OOSP1: variants seen among roughly 807,000 people sequenced by gnomAD.
The protein encoded by OOSP1 is putative oocyte-secreted protein 1 homolog.
Under a neutral mutation model 5.7 loss-of-function variants are expected in OOSP1, and 11 were observed. The ratio of observed to expected loss-of-function variants is 1.94; its 90% CI spans 1.22 to 3.20. The LOEUF (loss-of-function observed/expected upper bound fraction) is 3.20. Ranked by LOEUF, OOSP1 falls within the 30% of genes most tolerant of loss-of-function variation. The pLI is 0.00. For synonymous variants in OOSP1, 44 were observed against 20.0 expected, an observed-to-expected ratio of 2.20 and a Z score of -3.20; for missense variants, 83 against 54.1, an observed-to-expected ratio of 1.53 and a Z score of -1.67.
At chr11:59,948,364 A>G (rs1853908010) in intron 4 of OOSP1, among the ~76,000 whole-genome samples, 1 of 152,160 alleles carries the variant, frequency 6.6e-6, no homozygotes, top group Non-Finnish European at 1.5e-5. Context: ...TGAAAAATCC[A>G]CACACATTAA....
intron 4 of OOSP1, among the ~76,000 whole-genome samples, chr11:59,951,785 T>G (rs1430035785): frequency 6.8e-6 from 1 of 146,790 alleles, no homozygotes; most frequent in African/African-American, 2.5e-5. Context: ...TTTTTTTTTT[T>G]TTTTTTTTTT....
At chr11:59,945,046 T>G in intron 2 of OOSP1, 123 bp from the exon 3 acceptor site, 1 of 632,066 alleles carries the variant, frequency 1.6e-6, no homozygotes, top group Non-Finnish European at 2.8e-6. Flanking sequence ...CTATTTATAG[T>G]TGAGTGAGAG....
At chr11:59,945,385 A>T in intron 3 of OOSP1, 119 bp downstream of exon 3, 1 of 697,320 alleles carries the variant, frequency 1.4e-6, no homozygotes, top group Non-Finnish European at 2.6e-6. Context: ...GGAGACACCA[A>T]ACCCTAATGG....
At chr11:59,942,854 A>T (rs1056618247) in exon 2 of OOSP1, 1 of 702,238 alleles carries the variant, frequency 1.4e-6, no homozygotes, top group African/African-American at 1.7e-5. Context: ...CAGCTATTCA[A>T]GTACACTGCA....
exon 5 of OOSP1, chr11:59,957,344 C>A: frequency 2.5e-6 from 1 of 396,180 alleles, no homozygotes. Context: ...ATCCAAGGTA[C>A]TTGTGTTTGG....
chr11:59,946,401 G>A (rs995568300), intron 3 of OOSP1, among the ~76,000 whole-genome samples: 60 of 152,250 alleles, frequency 3.9e-4, no homozygotes, highest in African/African-American at 1.4e-3. Context: ...GTCCACCTCC[G>A]TGACCCCATC....
chr11:59,943,502 A>G (rs1853852249), intron 2 of OOSP1, among the ~76,000 whole-genome samples: 2 of 152,230 alleles, frequency 1.3e-5, no homozygotes, highest in African/African-American at 4.8e-5. Flanking sequence ...AGGAGATGCT[A>G]AATGCTTTTC....
In OOSP1 at chr11:59,955,172, A is replaced by G. The variant is rs953613003; in HGVS notation, c.487-2023A>G. ...TAAAATTCGTCAACTGGCCAAAGGA[A>G]ATCTAGGACCCAATATTATATAGAA... On this transcript the variant is annotated intron_variant, in intron 4 of 4. Transcript: ENST00000646685. Among the ~76,000 whole-genome samples, 16 of 152,272 alleles carry G rather than the reference A, an allele frequency of 1.1e-4. No homozygotes were observed. In the East Asian group the frequency reaches 3.1e-3, roughly 29 times the overall value.
At chr11:59,955,994 T>C (rs1472529453) in intron 4 of OOSP1, among the ~76,000 whole-genome samples, 1 of 152,098 alleles carries the variant, frequency 6.6e-6, no homozygotes, top group African/African-American at 2.4e-5. Context: ...ACAAAGTACG[T>C]GGAGCTGTGC....
chr11:59,951,773 G>GTT (rs60435750), intron 4 of OOSP1, among the ~76,000 whole-genome samples: 16 of 58,000 alleles, frequency 2.8e-4, no homozygotes, highest in African/African-American at 9.0e-4. Context: ...CAGTGGCACA[G>GTT]TTTTTTTTTT....
intron 4 of OOSP1, among the ~76,000 whole-genome samples, chr11:59,955,552 TAG>T (rs1853987097): frequency 1.3e-5 from 2 of 152,186 alleles, no homozygotes; most frequent in African/African-American, 4.8e-5. Context: ...GCAATAGATT[TAG>T]ATTAAATTAA....
chr11:59,956,596 T>C (rs1334066512), intron 4 of OOSP1, among the ~76,000 whole-genome samples: 1 of 152,038 alleles, frequency 6.6e-6, no homozygotes, highest in Non-Finnish European at 1.5e-5. Context: ...GTACAGGAGG[T>C]GCTTGGTTAC....
At chr11:59,939,220 T>G (rs1445652071) in intron 1 of OOSP1, among the ~76,000 whole-genome samples, 2 of 151,660 alleles carry the variant, frequency 1.3e-5, no homozygotes, top group Non-Finnish European at 2.9e-5. Context: ...CCTCTTTCTT[T>G]TCTTTCCCTT....
chr11:59,948,437 C>T (rs908943174), intron 4 of OOSP1, among the ~76,000 whole-genome samples: 1 of 152,124 alleles, frequency 6.6e-6, no homozygotes, highest in Non-Finnish European at 1.5e-5. Context: ...ATACCTAGAA[C>T]ATTTGGGATG....
rs182252838 is a variant in OOSP1 at position 59,942,899 on chromosome 11, G to A, written c.129G>A (p.Thr43=). The change falls in exon 2 of 5, where the codon ACG becomes ACA. Residue 43 remains threonine (T), a synonymous_variant. Transcript: ENST00000646685. ...GGTTCTTTGCCAGGATTAAACCCAC[G>A]ATATTTTACAATTTGTATGTGAACC... 23 of 702,840 alleles carry A rather than the reference G, an allele frequency of 3.3e-5. No individual in the cohort carries two copies. The East Asian group carries it at 3.5e-4, about 11-fold the overall frequency. 43.5% of individuals were successfully genotyped at this position (702,840 alleles called of 1,614,324 possible).
intron 4 of OOSP1, 31 bp downstream of exon 4, chr11:59,947,893 A>T (rs1789999388): frequency 2.5e-6 from 1 of 398,392 alleles, no homozygotes; most frequent in Non-Finnish European, 4.4e-6. Context: ...GCATCTTATG[A>T]TTTTTGTCCA....
At chr11:59,955,295 T>C (rs1009514883) in intron 4 of OOSP1, among the ~76,000 whole-genome samples, 1 of 152,168 alleles carries the variant, frequency 6.6e-6, no homozygotes, top group African/African-American at 2.4e-5. Flanking sequence ...TTATTTATAT[T>C]GACTTCTTAA....
intron 3 of OOSP1, among the ~76,000 whole-genome samples, chr11:59,947,087 A>T (rs1406844927): frequency 1.3e-5 from 2 of 152,130 alleles, no homozygotes; most frequent in Non-Finnish European, 2.9e-5. Flanking sequence ...ACAATTTTTC[A>T]ATTAGGTTTT....
chr11:59,948,937 G>T (rs561538535), intron 4 of OOSP1: 3 of 394,484 alleles, frequency 7.6e-6, no homozygotes, highest in East Asian at 7.2e-5. Context: ...TAAAAAGCAG[G>T]CTGCCTTCCA....
Sources: allele counts gnomAD v4.1 joint callset (sites outside exome capture counted in the v4.1 genomes callset), GRCh38; gene constraint gnomAD v4.1.1; transcripts MANE v1.5; gene names NCBI Gene and HGNC (gene_info 2026-07-23, HGNC 2026-07-21).